The following EXOC4 variants were observed in gnomAD, a reference collection of about 807,000 sequenced individuals.
The protein encoded by EXOC4 is exocyst complex component 4.
In EXOC4, 71 loss-of-function variants were observed where a neutral mutation model predicts 107.2. That is an observed-to-expected ratio of 0.66 (90% CI 0.55 to 0.81). The LOEUF is 0.81. Ranked by LOEUF, EXOC4 falls within the 30% of genes least tolerant of loss-of-function variation. The probability of loss-of-function intolerance (pLI) is 0.00; values close to 1 mark genes in which losing one functional copy is unlikely to be tolerated. For synonymous variants in EXOC4, 456 were observed against 441.2 expected (o/e 1.03, Z -0.42); for missense variants, 1,108 against 1,189.6 (o/e 0.93, Z 1.01).
intron 10 of EXOC4, among the ~76,000 whole-genome samples, chr7:133,705,712 G>A (rs974471791): frequency 8.5e-5 from 13 of 152,266 alleles, no homozygotes; most frequent in African/African-American, 2.4e-4. Flanking sequence ...CTTCATAATC[G>A]AGATGGCTAC....
intron 14 of EXOC4, among the ~76,000 whole-genome samples, chr7:133,947,209 T>C (rs1307884496): frequency 1.3e-5 from 2 of 152,190 alleles, no homozygotes; most frequent in Non-Finnish European, 1.5e-5. Flanking sequence ...TGATACACAG[T>C]GGGGCTCACT....
At chr7:133,317,514 T>C (rs1175710460) in intron 5 of EXOC4, 124 bp downstream of exon 5, 6 of 644,232 alleles carry the variant, frequency 9.3e-6, no homozygotes, top group Non-Finnish European at 1.4e-5. Flanking sequence ...GAGCTAGGTG[T>C]GTTGGAACCT....
rs556102511 is a variant in EXOC4 at position 133,368,700 on chromosome 7, T to C, written c.1008-6128T>C. 6.6e-5 allele frequency among the ~76,000 whole-genome samples: 10 copies of C among 152,334 alleles called. No individual in the cohort carries two copies. In the South Asian group the frequency reaches 2.1e-3, roughly 32 times the overall value. ...AACTGGTATTTATACCACATTGCCA[T>C]CTAGGATTAATATTTTCTTTCACTA... On this transcript the variant is annotated intron_variant, in intron 6 of 17. Transcript: ENST00000253861.
At chr7:133,933,663 C>G (rs544945038) in intron 13 of EXOC4, among the ~76,000 whole-genome samples, 8 of 152,336 alleles carry the variant, frequency 5.3e-5, no homozygotes, top group Non-Finnish European at 7.3e-5. Flanking sequence ...AGCAGCCATT[C>G]TGGCTGCGAG....
intron 17 of EXOC4, among the ~76,000 whole-genome samples, chr7:134,031,198 G>A (rs1482402921): frequency 6.6e-6 from 1 of 152,106 alleles, no homozygotes; most frequent in Non-Finnish European, 1.5e-5. Flanking sequence ...TTATGGTCCT[G>A]GTTGTATATA....
At chr7:134,059,447 G>A (rs1056005278) in intron 17 of EXOC4, among the ~76,000 whole-genome samples, 8 of 152,066 alleles carry the variant, frequency 5.3e-5, no homozygotes, top group Non-Finnish European at 7.4e-5. Context: ...ATACATACAC[G>A]CATACCTACA....
At chr7:133,516,624 A>T (rs1799880134) in intron 9 of EXOC4, among the ~76,000 whole-genome samples, 1 of 152,094 alleles carries the variant, frequency 6.6e-6, no homozygotes, top group Non-Finnish European at 1.5e-5. Context: ...ACTATGAATA[A>T]CATTCATGTG....
chr7:133,256,743 A>G (rs1795028304), intron 1 of EXOC4, among the ~76,000 whole-genome samples: 1 of 152,194 alleles, frequency 6.6e-6, no homozygotes, highest in African/African-American at 2.4e-5. Flanking sequence ...CAGTTGGGGT[A>G]GCATTTATTG....
chr7:133,927,423 A>G (rs535010773), intron 13 of EXOC4, among the ~76,000 whole-genome samples: 1 of 152,330 alleles, frequency 6.6e-6, no homozygotes, highest in East Asian at 1.9e-4. Flanking sequence ...TTTTCAGAAA[A>G]GTTCCTGTTG....
intron 10 of EXOC4, among the ~76,000 whole-genome samples, chr7:133,689,058 A>G (rs1275000043): frequency 6.6e-6 from 1 of 152,198 alleles, no homozygotes; most frequent in Non-Finnish European, 1.5e-5. Context: ...ACAATCTGGA[A>G]ACTATGCTGT....
chr7:133,819,159 C>T (rs1303451965), intron 11 of EXOC4, among the ~76,000 whole-genome samples: 1 of 152,148 alleles, frequency 6.6e-6, no homozygotes, highest in Non-Finnish European at 1.5e-5. Context: ...TTTCAGCTTT[C>T]TGCTGTTACA....
intron 11 of EXOC4, among the ~76,000 whole-genome samples, chr7:133,848,501 C>T (rs1423099945): frequency 1.3e-5 from 2 of 152,186 alleles, no homozygotes; most frequent in Non-Finnish European, 2.9e-5. Context: ...AAAAGGACAA[C>T]TGTGGAAGGT....
At chr7:133,463,301 C>G (rs1007741065) in intron 7 of EXOC4, among the ~76,000 whole-genome samples, 2 of 152,124 alleles carry the variant, frequency 1.3e-5, no homozygotes, top group Admixed American at 6.5e-5. Context: ...CTTTGGTGCC[C>G]TTCCTCCCTT....
the EXOC4 span, among the ~76,000 whole-genome samples, chr7:134,078,170 T>A: frequency 1.3e-5 from 2 of 152,152 alleles, no homozygotes; most frequent in Non-Finnish European, 2.9e-5. Flanking sequence ...TTATGTCTTT[T>A]GCTTTACCCC....
chr7:134,096,391 A>G, the EXOC4 span, among the ~76,000 whole-genome samples: 1 of 152,150 alleles, frequency 6.6e-6, no homozygotes, highest in Admixed American at 6.5e-5. Context: ...TGGGTAGAGG[A>G]TTTTTTAGAA....
intron 17 of EXOC4, among the ~76,000 whole-genome samples, chr7:134,047,731 A>C (rs2116562762): frequency 6.6e-6 from 1 of 152,202 alleles, no homozygotes; most frequent in Admixed American, 6.5e-5. Flanking sequence ...TTATCTGCCA[A>C]ATTAAGGTTA....
chr7:134,081,266 C>T, the EXOC4 span, among the ~76,000 whole-genome samples: 1 of 152,082 alleles, frequency 6.6e-6, no homozygotes, highest in South Asian at 2.1e-4. Context: ...TCACTTGAGC[C>T]CAGGGGGTGG....
At chr7:133,904,129 GAA>G (rs1799516149) in intron 12 of EXOC4, among the ~76,000 whole-genome samples, 1 of 152,204 alleles carries the variant, frequency 6.6e-6, no homozygotes, top group Admixed American at 6.5e-5. Flanking sequence ...AGTGGCTGGA[GAA>G]ATGAGGTCAC....
rs539561372 is a variant in EXOC4, at chr7:133,788,227, C to T, written c.1515-29098C>T. On this transcript the variant is annotated intron_variant, in intron 10 of 17. Transcript: ENST00000253861. ...CCATCAGATCCACTCCCTAGTCTTACAGCTTTAAATAACAGCTGTACAAGA... is the reference window on the plus strand; with the variant it reads ...CCATCAGATCCACTCCCTAGTCTTATAGCTTTAAATAACAGCTGTACAAGA... Among the ~76,000 whole-genome samples the T allele has an allele frequency of 2.0e-4, 30 of 150,730 alleles. 3 individuals are homozygous for T. The South Asian group carries it at 4.4e-3, about 22-fold the overall frequency.
Sources: gnomAD v4.1 joint callset for allele counts (sites outside exome capture counted in the v4.1 genomes callset) on GRCh38, gnomAD v4.1.1 for gene constraint, MANE v1.5 for transcripts, NCBI Gene and HGNC (gene_info 2026-07-23, HGNC 2026-07-21) for gene names.